Variants in NCK2 observed in about 807,000 individuals in gnomAD.
NCK2 encodes the protein NCK adaptor protein 2, also known as cytoplasmic protein NCK2.
NCK2 carries 16 observed loss-of-function variants against 33.9 expected under a neutral mutation model. The observed-to-expected ratio is 0.47, with a 90% confidence interval of 0.32 to 0.72. NCK2 has a LOEUF of 0.72. Among genes scored for constraint, NCK2 ranks in the 30% least tolerant of loss-of-function variants. NCK2 has a pLI of 0.03. For synonymous variants in NCK2, 273 were observed against 239.9 expected, an observed-to-expected ratio of 1.14 and a Z score of -1.27; for missense variants, 418 against 537.3, an observed-to-expected ratio of 0.78 and a Z score of 2.19.
At chr2:105,821,760 CA>C (rs1206981839) in intron 2 of NCK2, among the ~76,000 whole-genome samples, 2 of 137,500 alleles carry the variant, frequency 1.5e-5, no homozygotes, top group Non-Finnish European at 3.2e-5. Context: ...GATGGGGACA[CA>C]AAGCCTCAGG....
intron 1 of NCK2, among the ~76,000 whole-genome samples, chr2:105,779,511 G>A (rs1278841327): frequency 6.6e-6 from 1 of 152,112 alleles, no homozygotes; most frequent in African/African-American, 2.4e-5. Flanking sequence ...CCAAGTGGTG[G>A]GTGGCTGCGT....
intron 2 of NCK2, among the ~76,000 whole-genome samples, chr2:105,836,781 T>C (rs1458011893): frequency 6.6e-6 from 1 of 152,114 alleles, no homozygotes; most frequent in African/African-American, 2.4e-5. Flanking sequence ...CCCAGGGATG[T>C]GGAGATGCTG....
intron 1 of NCK2, among the ~76,000 whole-genome samples, chr2:105,799,454 C>T (rs1674724023): frequency 6.6e-6 from 1 of 152,150 alleles, no homozygotes; most frequent in African/African-American, 2.4e-5. Context: ...ATTGAGAAGG[C>T]TGTCTCTTCC....
intron 2 of NCK2, among the ~76,000 whole-genome samples, chr2:105,839,822 C>T (rs1010421683): frequency 1.3e-5 from 2 of 152,166 alleles, no homozygotes; most frequent in Non-Finnish European, 2.9e-5. Flanking sequence ...GCCTGGCTAC[C>T]CCTCCATCTT....
chr2:105,799,186 A>G lies in NCK2; in HGVS notation c.-200-17244A>G, dbSNP rs147206668. Among the ~76,000 whole-genome samples the G allele has an allele frequency of 2.6e-5, 4 of 151,538 alleles. No individual in the cohort carries two copies. In the East Asian group the frequency reaches 5.8e-4, roughly 22 times the overall value. On this transcript the variant is annotated intron_variant, in intron 1 of 4. Transcript: ENST00000233154. ...TGTCTTTGGAATCTATCTGTGGTAT[A>G]TTTTATCATGTAAGAAAATTTTTTA...
chr2:105,780,648 G>A (rs1446315551), intron 1 of NCK2, among the ~76,000 whole-genome samples: 5 of 152,166 alleles, frequency 3.3e-5, no homozygotes, highest in Non-Finnish European at 5.9e-5. Flanking sequence ...CTCATATGTT[G>A]AGATCCTACC....
At chr2:105,763,199 CA>C (rs200508739) in intron 1 of NCK2, among the ~76,000 whole-genome samples, 3 of 151,532 alleles carry the variant, frequency 2.0e-5, no homozygotes, top group African/African-American at 7.3e-5. Flanking sequence ...CTCTTGTCTC[CA>C]AAAAAAACAA....
intron 1 of NCK2, among the ~76,000 whole-genome samples, chr2:105,755,213 T>A (rs1689567026): frequency 6.6e-6 from 1 of 152,200 alleles, no homozygotes; most frequent in African/African-American, 2.4e-5. Context: ...CTAGGTCTAT[T>A]TTACATGGTT....
chr2:105,857,386 C>T (rs749139474), intron 3 of NCK2, among the ~76,000 whole-genome samples: 2 of 152,244 alleles, frequency 1.3e-5, no homozygotes, highest in Admixed American at 6.5e-5. Context: ...AGCGCAGCGT[C>T]GGTTCGAGTA....
chr2:105,807,842 C>CCTCCCTCCCTCCCTCCCTTCTCTCTATCT, intron 1 of NCK2, among the ~76,000 whole-genome samples: 1 of 17,254 alleles, frequency 5.8e-5, no homozygotes, highest in Non-Finnish European at 1.0e-4. Flanking sequence ...TCTATCTCTC[C>CCTCCCTCCCTCCCTCCCTTCTCTCTATCT]CTCCCTCCCT....
intron 1 of NCK2, among the ~76,000 whole-genome samples, chr2:105,795,065 C>T (rs889271577): frequency 6.6e-6 from 1 of 152,110 alleles, no homozygotes; most frequent in Non-Finnish European, 1.5e-5. Flanking sequence ...GCAGAAGGTA[C>T]AGAGTTTTCT....
intron 3 of NCK2, among the ~76,000 whole-genome samples, chr2:105,869,247 C>G (rs1466932357): frequency 6.6e-6 from 1 of 152,148 alleles, no homozygotes; most frequent in African/African-American, 2.4e-5. Context: ...TGAGAAAGTG[C>G]CACACCGGAT....
intron 1 of NCK2, among the ~76,000 whole-genome samples, chr2:105,776,216 G>T (rs765542463): frequency 2.0e-5 from 3 of 152,188 alleles, no homozygotes; most frequent in Non-Finnish European, 4.4e-5. Context: ...CCTGGGTGGG[G>T]ACACCCCAAC....
Position 105,893,394 on chromosome 2 carries a change from G to A in NCK2, c.*218G>A, listed in dbSNP as rs577223281. 3.8e-6 allele frequency: 2 copies of A among 524,514 alleles called. No homozygotes were observed. Among genetic ancestry groups the A allele is most frequent in the African/African-American group, 1.9e-5 (1 of 52,978 alleles). The allele number at this position is 524,514 out of a possible 1,614,324, so 32.5% of individuals were successfully genotyped here. ...CGGCCAGCTTTAGAGGAGGGGAGGA[G>A]CAGGGCGAGTTCACATTATTCCTTT... On this transcript the variant is annotated 3_prime_UTR_variant, in exon 5 of 5. Transcript: ENST00000233154.
At position 105,881,408 on chromosome 2, in the gene NCK2, G is replaced by C. The variant is rs761674486; in HGVS notation, c.307G>C (p.Gly103Arg). 1 of 1,612,656 alleles carries C rather than the reference G, an allele frequency of 6.2e-7. No homozygotes were observed. The highest frequency in any genetic ancestry group is 8.5e-7 in the Non-Finnish European group (1 of 1,179,932). ...PSTDAEYPAN[G>R]SGADRIYDLN... is the part of the protein sequence containing the mutation. ...CACGGACGCCGAGTACCCCGCCAAT[G>C]GCAGCGGCGCCGACCGCATCTACGA... The change falls in exon 4 of 5, where the codon GGC becomes CGC. Residue 103 changes from glycine (G) to arginine (R), a missense_variant. Gly to Arg is a moderately radical substitution (Grantham distance 125). Coordinates refer to ENST00000233154, the MANE Select transcript of NCK2 (RefSeq NM_003581.5).
Position 105,748,426 on chromosome 2 carries a change from C to T in NCK2, c.-201+3288C>T, listed in dbSNP as rs1689357608. On this transcript the variant is annotated intron_variant, in intron 1 of 4. Transcript: ENST00000233154. ...TTAAGGCAGGGTTTCACCCTGTCACCCAGGCTGGAGTACAGTAGCATGATC... is the reference window on the plus strand; with the variant it reads ...TTAAGGCAGGGTTTCACCCTGTCACTCAGGCTGGAGTACAGTAGCATGATC... Among the ~76,000 whole-genome samples, 4 of 152,084 alleles carry T rather than the reference C, an allele frequency of 2.6e-5. No individual in the cohort carries two copies. The South Asian group carries it at 8.3e-4, about 32-fold the overall frequency.
intron 3 of NCK2, among the ~76,000 whole-genome samples, chr2:105,870,331 G>A (rs1440116939): frequency 6.6e-6 from 1 of 152,206 alleles, no homozygotes; most frequent in African/African-American, 2.4e-5. Flanking sequence ...TTTCCCTCAG[G>A]GATGGCAACT....
chr2:105,768,197 G>A (rs766856573), intron 1 of NCK2, among the ~76,000 whole-genome samples: 8 of 152,126 alleles, frequency 5.3e-5, no homozygotes, highest in Non-Finnish European at 1.0e-4. Flanking sequence ...TGCTTTCTTT[G>A]CCTGTCTGTA....
At chr2:105,875,871 A>G (rs751474429) in intron 3 of NCK2, among the ~76,000 whole-genome samples, 1 of 152,254 alleles carries the variant, frequency 6.6e-6, no homozygotes, top group Non-Finnish European at 1.5e-5. Flanking sequence ...CCGTAATTTT[A>G]TGATGATAGA....
Sources: gnomAD v4.1 joint callset for allele counts (sites outside exome capture counted in the v4.1 genomes callset) on GRCh38, gnomAD v4.1.1 for gene constraint, MANE v1.5 for transcripts, NCBI Gene and HGNC (gene_info 2026-07-23, HGNC 2026-07-21) for gene names.